DCP1B: variants seen among roughly 807,000 people sequenced by gnomAD.
The protein encoded by DCP1B is mRNA-decapping enzyme 1B.
DCP1B carries 47 observed loss-of-function variants against 60.5 expected under a neutral mutation model. The observed-to-expected ratio is 0.78, with a 90% CI of 0.61 to 0.99. The LOEUF (loss-of-function observed/expected upper bound fraction) is 0.99. Ranked by LOEUF, DCP1B falls within the 50% of genes least tolerant of loss-of-function variation. The pLI is 0.00. For missense variants in DCP1B, 725 were observed against 756.8 expected (o/e 0.96, Z 0.49); for synonymous variants, 267 against 280.3 (o/e 0.95, Z 0.47).
chr12:1,974,392 G>A (rs2033614681), intron 3 of DCP1B, among the ~76,000 whole-genome samples: 1 of 152,142 alleles, frequency 6.6e-6, no homozygotes. Context: ...TGCTTAAGTA[G>A]TGTTGATGGG....
chr12:1,979,920 C>T (rs1001944857), intron 3 of DCP1B, among the ~76,000 whole-genome samples: 5 of 152,038 alleles, frequency 3.3e-5, no homozygotes, highest in African/African-American at 1.2e-4. Context: ...AAATTAAAAT[C>T]ACAATGAGAT....
intron 3 of DCP1B, among the ~76,000 whole-genome samples, chr12:1,977,855 C>T (rs543673481): frequency 6.6e-6 from 1 of 152,272 alleles, no homozygotes; most frequent in South Asian, 2.1e-4. Flanking sequence ...TACAGGTACA[C>T]TTTAACTTTG....
At chr12:2,002,925 A>G (rs2042515743) in intron 1 of DCP1B, among the ~76,000 whole-genome samples, 1 of 152,154 alleles carries the variant, frequency 6.6e-6, no homozygotes, top group Non-Finnish European at 1.5e-5. Flanking sequence ...AAACAAACAA[A>G]AAAAGTAGGT....
chr12:1,987,618 A>C (rs144910201), intron 3 of DCP1B, among the ~76,000 whole-genome samples: 173 of 152,236 alleles, frequency 1.1e-3, no homozygotes, highest in African/African-American at 4.1e-3. Context: ...TATGGTATTT[A>C]AATCCCTTTC....
intron 3 of DCP1B, chr12:1,992,733 A>G (rs530206660): frequency 5.8e-6 from 1 of 172,970 alleles, no homozygotes. Flanking sequence ...CGACTTCCAC[A>G]TTACAAAGGG....
At chr12:1,944,014 C>T (rs1254450153), downstream of DCP1B, among the ~76,000 whole-genome samples, 1 of 152,188 alleles carries the variant, frequency 6.6e-6, no homozygotes, top group African/African-American at 2.4e-5. Flanking sequence ...TTGCAGATGA[C>T]ATGACTGTAT....
At chr12:1,944,593 C>A (rs558452606), downstream of DCP1B, among the ~76,000 whole-genome samples, 4 of 152,216 alleles carry the variant, frequency 2.6e-5, no homozygotes, top group African/African-American at 9.6e-5. Context: ...GATATACAGA[C>A]CAAGGAACAG....
At chr12:1,989,535 G>A (rs1198498459) in intron 3 of DCP1B, among the ~76,000 whole-genome samples, 2 of 152,322 alleles carry the variant, frequency 1.3e-5, no homozygotes, top group South Asian at 4.1e-4. Flanking sequence ...CCAACACGGT[G>A]AAACCCTGTC....
intron 3 of DCP1B, among the ~76,000 whole-genome samples, chr12:1,989,287 T>A (rs1266257757): frequency 6.6e-6 from 1 of 152,184 alleles, no homozygotes; most frequent in Non-Finnish European, 1.5e-5. Flanking sequence ...AATGAGGCTA[T>A]GACCAATGCC....
chr12:1,958,497 G>C (rs2030986566), intron 5 of DCP1B, among the ~76,000 whole-genome samples: 1 of 143,488 alleles, frequency 7.0e-6, no homozygotes, highest in African/African-American at 2.6e-5. Context: ...CCTCCTGGAA[G>C]AAGACAGGGG....
chr12:1,973,270 G>A (rs1321531483), intron 3 of DCP1B, among the ~76,000 whole-genome samples: 1 of 152,146 alleles, frequency 6.6e-6, no homozygotes, highest in Non-Finnish European at 1.5e-5. Context: ...GAGAATAATG[G>A]AAGGTTCAAA....
chr12:1,951,009 C>T (rs979122642), intron 7 of DCP1B, among the ~76,000 whole-genome samples: 6 of 152,220 alleles, frequency 3.9e-5, no homozygotes, highest in Admixed American at 2.6e-4. Context: ...CAGTGGCTCA[C>T]GACTGTAATC....
intron 2 of DCP1B, 42 bp from the exon 3 acceptor site, chr12:1,993,433 T>C (rs889914904): frequency 6.3e-7 from 1 of 1,592,394 alleles, no homozygotes; most frequent in Non-Finnish European, 8.6e-7. Context: ...ATAGACAAAT[T>C]GCTTAGTATG....
At chr12:1,941,631 G>A (rs188222157), downstream of DCP1B, among the ~76,000 whole-genome samples, 213 of 152,068 alleles carry the variant, frequency 1.4e-3, no homozygotes, top group African/African-American at 4.4e-3. Flanking sequence ...CCCCATCTTC[G>A]TGGATTTATC....
intron 2 of DCP1B, among the ~76,000 whole-genome samples, chr12:1,994,467 T>C (rs1294326078): frequency 6.6e-6 from 1 of 152,254 alleles, no homozygotes; most frequent in East Asian, 1.9e-4. Context: ...AATCCTTGCC[T>C]AGCTTATTTT....
chr12:2,000,785 C>T (rs530106111), intron 1 of DCP1B, among the ~76,000 whole-genome samples: 2 of 152,292 alleles, frequency 1.3e-5, no homozygotes, highest in East Asian at 3.9e-4. Flanking sequence ...GCCTGTAACC[C>T]CAGCACTTTG....
downstream of DCP1B, among the ~76,000 whole-genome samples, chr12:1,945,245 T>C (rs771335018): frequency 4.6e-5 from 7 of 152,196 alleles, no homozygotes; most frequent in Middle Eastern, 3.2e-3. Context: ...CTCACACCAG[T>C]TACAATGGTG....
At chr12:1,942,828 C>T (rs183935334), downstream of DCP1B, among the ~76,000 whole-genome samples, 231 of 152,216 alleles carry the variant, frequency 1.5e-3, 1 homozygote, top group South Asian at 0.011. Flanking sequence ...CACTAAAATG[C>T]CTGCAGAAGA....
intron 3 of DCP1B, among the ~76,000 whole-genome samples, chr12:1,982,969 G>A (rs1715211814): frequency 6.6e-6 from 1 of 151,930 alleles, no homozygotes; most frequent in African/African-American, 2.4e-5. Context: ...GGACTATTCA[G>A]CTTACCTATT....
Sources: gnomAD v4.1 joint callset for allele counts (sites outside exome capture counted in the v4.1 genomes callset) on GRCh38, gnomAD v4.1.1 for gene constraint, MANE v1.5 for transcripts, NCBI Gene and HGNC (gene_info 2026-07-23, HGNC 2026-07-21) for gene names.